The following OR52N4 variants were observed in gnomAD, a reference collection of about 807,000 sequenced individuals.
OR52N4 encodes the protein olfactory receptor 52N4.
In OR52N4, 15 loss-of-function variants were observed where a neutral mutation model predicts 15.0. The ratio of observed to expected loss-of-function variants is 1.00; its 90% CI spans 0.67 to 1.54. The LOEUF (loss-of-function observed/expected upper bound fraction) is 1.54. OR52N4 is among the 40% of genes most tolerant of loss of function. The probability of loss-of-function intolerance (pLI) is 0.00; values close to 1 mark genes in which losing one functional copy is unlikely to be tolerated. For synonymous variants in OR52N4, 143 were observed against 143.7 expected (o/e 1.00, Z 0.03); for missense variants, 421 against 394.0 (o/e 1.07, Z -0.58).
the OR52N4 span, chr11:5,737,465 GC>G: frequency 6.2e-7 from 1 of 1,612,146 alleles, no homozygotes. Context: ...GGTGCTGTTT[GC>G]CCTTACAAAA....
the OR52N4 span, chr11:5,734,077 A>G: frequency 2.3e-6 from 1 of 443,604 alleles, no homozygotes; most frequent in South Asian, 1.6e-5. Flanking sequence ...ACTACTCTCC[A>G]TAAATTTCAG....
the OR52N4 span, chr11:5,736,157 C>G: frequency 4.4e-6 from 1 of 226,358 alleles, no homozygotes; most frequent in Non-Finnish European, 8.8e-6. Flanking sequence ...GAAAACTATC[C>G]CCAAATCCTC....
the OR52N4 span, among the ~76,000 whole-genome samples, chr11:5,739,520 C>T: frequency 1.9e-5 from 2 of 104,332 alleles, no homozygotes; most frequent in Admixed American, 9.9e-5. Context: ...TGTGATCACA[C>T]CATTGCACTC....
chr11:5,739,790 C>A, the OR52N4 span, among the ~76,000 whole-genome samples: 4 of 128,416 alleles, frequency 3.1e-5, 1 homozygote, highest in Non-Finnish European at 6.9e-5. Flanking sequence ...CACCTTCACA[C>A]AAAGCTCATG....
At position 5,755,135 on chromosome 11, in the gene OR52N4, T is replaced by TA; in HGVS notation, c.396dup (p.Arg133ThrfsTer50). The TA allele has an allele frequency of 6.2e-7, 1 of 1,614,070 alleles. No individual in the cohort carries two copies. The highest frequency in any genetic ancestry group is 8.5e-7 in the Non-Finnish European group (1 of 1,179,978). ...CGCTATGTGGCCATCTGCTACCCCT[T>TA]ACGCTATTCAACTATCCTCACCAAT... On this transcript the variant is annotated frameshift_variant, in exon 2 of 2. Coordinates refer to ENST00000641350, the MANE Select transcript of OR52N4 (RefSeq NM_001005175.5). LOFTEE classifies it high-confidence loss of function.
rs1233724100 is a variant in OR52N4, at chr11:5,755,493, T to C, written c.753T>C (p.Val251=). The change falls in exon 2 of 2, where the codon GTT becomes GTC. Residue 251 remains valine (V), a synonymous_variant. Coordinates refer to ENST00000641350, the MANE Select transcript of OR52N4 (RefSeq NM_001005175.5). ...NTCTAHICAI[V]FSYTPAFFSF... is the part of the protein sequence containing the mutation. ...GCACTGCCCACATTTGTGCCATTGT[T>C]TTCTCCTATACTCCAGCTTTCTTCT... The C allele has an allele frequency of 6.2e-7, 1 of 1,613,970 alleles. No homozygotes were observed.
the OR52N4 span, among the ~76,000 whole-genome samples, chr11:5,730,101 GT>G: frequency 6.6e-6 from 1 of 151,266 alleles, no homozygotes; most frequent in Non-Finnish European, 1.5e-5. Flanking sequence ...GCATTCTTAT[GT>G]CCTATTCTTT....
the OR52N4 span, chr11:5,726,488 C>T: frequency 2.0e-5 from 3 of 152,020 alleles, no homozygotes; most frequent in Admixed American, 2.0e-4. Flanking sequence ...ATGTCCAGCA[C>T]TCTTGGCCAC....
At chr11:5,754,033 G>C (rs896000235), upstream of OR52N4, among the ~76,000 whole-genome samples, 5 of 149,330 alleles carry the variant, frequency 3.3e-5, no homozygotes, top group Admixed American at 3.3e-4. Flanking sequence ...AAAGTAAATA[G>C]GGGTATCCAT....
Position 5,755,419 on chromosome 11 carries a change from G to C in OR52N4, c.679G>C (p.Val227Leu). 1 of 1,614,098 alleles carries C rather than the reference G, an allele frequency of 6.2e-7. No homozygotes were observed. Among genetic ancestry groups the C allele is most frequent in the Non-Finnish European group, 8.5e-7 (1 of 1,179,968 alleles). The change falls in exon 2 of 2, where the codon GTG becomes CTG. Residue 227 changes from valine (V) to leucine (L), a missense_variant. Coordinates refer to ENST00000641350, the MANE Select transcript of OR52N4 (RefSeq NM_001005175.5). ...TNSYTMILRA[V>L]VSLSSADARQ... ...CTCCTATACCATGATTCTCCGGGCA[G>C]TGGTCAGCCTCTCCTCAGCAGATGC...
the OR52N4 span, among the ~76,000 whole-genome samples, chr11:5,743,467 G>A: frequency 6.6e-6 from 1 of 152,108 alleles, no homozygotes. Context: ...ACATGAAACA[G>A]TCTCAAAAAT....
chr11:5,736,440 A>G, the OR52N4 span: 2 of 1,258,242 alleles, frequency 1.6e-6, no homozygotes, highest in Admixed American at 1.9e-5. Flanking sequence ...AAAATACTAC[A>G]ATTTTATTTC....
the OR52N4 span, among the ~76,000 whole-genome samples, chr11:5,748,235 A>G: frequency 2.0e-5 from 3 of 151,958 alleles, no homozygotes; most frequent in Admixed American, 6.6e-5. Flanking sequence ...CAATACATAT[A>G]TAGGATTTTA....
the OR52N4 span, among the ~76,000 whole-genome samples, chr11:5,735,395 T>C: frequency 6.6e-6 from 1 of 151,964 alleles, no homozygotes; most frequent in Non-Finnish European, 1.5e-5. Flanking sequence ...AAATAAAGGA[T>C]TGTAATAATA....
At chr11:5,750,941 AG>A (rs1854177218), upstream of OR52N4, among the ~76,000 whole-genome samples, 1 of 152,028 alleles carries the variant, frequency 6.6e-6, no homozygotes, top group African/African-American at 2.4e-5. Flanking sequence ...TAACTTTGGG[AG>A]GTCCTCATAT....
the OR52N4 span, among the ~76,000 whole-genome samples, chr11:5,746,074 A>T: frequency 6.6e-6 from 1 of 152,186 alleles, no homozygotes; most frequent in African/African-American, 2.4e-5. Flanking sequence ...TATTCAATAA[A>T]TGGTGCTGAA....
chr11:5,747,293 A>C, the OR52N4 span, among the ~76,000 whole-genome samples: 20 of 151,732 alleles, frequency 1.3e-4, no homozygotes, highest in East Asian at 3.9e-3. Context: ...AAATAGACAG[A>C]CCTCCTATCT....
At chr11:5,728,446 T>C in the OR52N4 span, among the ~76,000 whole-genome samples, 1 of 152,246 alleles carries the variant, frequency 6.6e-6, no homozygotes, top group East Asian at 1.9e-4. Context: ...CCAGTTACTG[T>C]ACATACTGAG....
upstream of OR52N4, among the ~76,000 whole-genome samples, chr11:5,750,600 C>T (rs1854170236): frequency 6.6e-6 from 1 of 151,744 alleles, no homozygotes. Flanking sequence ...TGGATTATTG[C>T]CACTGTCACT....
Sources: gnomAD v4.1 joint callset for allele counts (sites outside exome capture counted in the v4.1 genomes callset) on GRCh38, gnomAD v4.1.1 for gene constraint, MANE v1.5 for transcripts, NCBI Gene and HGNC (gene_info 2026-07-23, HGNC 2026-07-21) for gene names.